RBMS3: variants seen among roughly 807,000 people sequenced by gnomAD.
RBMS3 encodes RNA-binding motif, single-stranded-interacting protein 3.
RBMS3 carries 27 observed loss-of-function variants against 66.8 expected under a neutral mutation model. The ratio of observed to expected loss-of-function variants is 0.40; its 90% CI spans 0.30 to 0.56. The LOEUF (loss-of-function observed/expected upper bound fraction) is 0.56, where lower values mean the gene tolerates loss of function less well. Ranked by LOEUF, RBMS3 falls within the 20% of genes least tolerant of loss-of-function variation. RBMS3 has a pLI of 0.40. For synonymous variants in RBMS3, 188 were observed against 183.0 expected, an observed-to-expected ratio of 1.03 and a Z score of -0.22; for missense variants, 513 against 549.5, an observed-to-expected ratio of 0.93 and a Z score of 0.66.
intron 1 of RBMS3, among the ~76,000 whole-genome samples, chr3:29,292,257 A>G (rs1459256013): frequency 6.6e-6 from 1 of 151,744 alleles, no homozygotes; most frequent in African/African-American, 2.4e-5. Context: ...GATTATTTTA[A>G]TGGTTCAGAT....
chr3:29,510,138 A>T (rs146322296), intron 3 of RBMS3, among the ~76,000 whole-genome samples: 44 of 152,340 alleles, frequency 2.9e-4, no homozygotes, highest in African/African-American at 1.0e-3. Context: ...CAATGCTTTA[A>T]TCACAACATT....
At chr3:29,573,837 GCATATTGTTTAATCTCCTTGTGTT>G (rs2047020183) in intron 3 of RBMS3, among the ~76,000 whole-genome samples, 3 of 152,190 alleles carry the variant, frequency 2.0e-5, no homozygotes, top group Admixed American at 2.0e-4. Flanking sequence ...TTATTCAGGA[GCATATTGTTTAATCTCCTTGTGTT>G]CATATAGTTT....
At chr3:29,966,024 G>A (rs1380937164) in intron 12 of RBMS3, among the ~76,000 whole-genome samples, 3 of 152,246 alleles carry the variant, frequency 2.0e-5, no homozygotes, top group Admixed American at 2.0e-4. Context: ...CTTTGTCAAA[G>A]ATCAGTTGGC....
chr3:29,831,449 G>T (rs988407571), intron 6 of RBMS3, among the ~76,000 whole-genome samples: 8 of 152,020 alleles, frequency 5.3e-5, no homozygotes, highest in African/African-American at 1.9e-4. Flanking sequence ...TAAAAATTCT[G>T]AATTTATGTC....
intron 1 of RBMS3, among the ~76,000 whole-genome samples, chr3:29,340,462 A>G (rs545444745): frequency 6.6e-6 from 1 of 152,292 alleles, no homozygotes; most frequent in East Asian, 1.9e-4. Flanking sequence ...CCTGGACTTA[A>G]TGAAGGACTT....
At chr3:29,490,193 G>T (rs1575989612) in intron 3 of RBMS3, among the ~76,000 whole-genome samples, 3 of 146,432 alleles carry the variant, frequency 2.0e-5, no homozygotes, top group South Asian at 4.3e-4. Flanking sequence ...TTAAAATTTT[G>T]AGCAGACAAA....
intron 3 of RBMS3, among the ~76,000 whole-genome samples, chr3:29,527,193 A>T (rs1398955488): frequency 2.0e-5 from 3 of 149,788 alleles, no homozygotes; most frequent in Admixed American, 6.6e-5. Context: ...AAAAAAAAAA[A>T]AAAAAAAAAA....
chr3:29,750,931 G>A (rs2055148909), intron 5 of RBMS3, among the ~76,000 whole-genome samples: 1 of 151,756 alleles, frequency 6.6e-6, no homozygotes, highest in African/African-American at 2.4e-5. Flanking sequence ...AAGTATTAAG[G>A]GTTTAAAACA....
chr3:29,682,968 A>T (rs1193357727), intron 4 of RBMS3, among the ~76,000 whole-genome samples: 2 of 152,210 alleles, frequency 1.3e-5, no homozygotes, highest in Admixed American at 6.5e-5. Context: ...AAGTATTTGG[A>T]TCACTGTTAC....
At chr3:29,581,631 A>G (rs2047332327) in intron 3 of RBMS3, among the ~76,000 whole-genome samples, 1 of 152,172 alleles carries the variant, frequency 6.6e-6, no homozygotes, top group African/African-American at 2.4e-5. Context: ...CTTAGCCCAA[A>G]TGTTTGCTTT....
chr3:29,457,283 T>C (rs757044469), intron 2 of RBMS3, among the ~76,000 whole-genome samples: 3 of 152,224 alleles, frequency 2.0e-5, no homozygotes, highest in Non-Finnish European at 4.4e-5. Flanking sequence ...CACCTAGGTC[T>C]CTGCAGTCTC....
chr3:29,849,203 TG>T (rs2058868100), intron 6 of RBMS3, among the ~76,000 whole-genome samples: 1 of 151,790 alleles, frequency 6.6e-6, no homozygotes, highest in Admixed American at 6.6e-5. Flanking sequence ...TGTGTGTGTG[TG>T]TGTGTATTTC....
chr3:29,347,384 A>C (rs1032101221), intron 1 of RBMS3, among the ~76,000 whole-genome samples: 2 of 152,212 alleles, frequency 1.3e-5, no homozygotes, highest in Non-Finnish European at 1.5e-5. Flanking sequence ...CATTCGTTGC[A>C]TGCAGGATGC....
chr3:29,799,397 C>G (rs1559683721), intron 6 of RBMS3, among the ~76,000 whole-genome samples: 1 of 152,080 alleles, frequency 6.6e-6, no homozygotes, highest in Non-Finnish European at 1.5e-5. Flanking sequence ...ATATTTACAC[C>G]TAATAAACAT....
At chr3:29,556,107 C>T in intron 3 of RBMS3, among the ~76,000 whole-genome samples, 1 of 141,808 alleles carries the variant, frequency 7.1e-6, no homozygotes, top group East Asian at 2.0e-4. Flanking sequence ...CATAAGTGGT[C>T]TATCAGCCAC....
chr3:29,546,909 G>A lies in RBMS3; in HGVS notation c.308-40205G>A, dbSNP rs552189480. Among the ~76,000 whole-genome samples the A allele has an allele frequency of 1.8e-4, 27 of 152,158 alleles. No homozygotes were observed. The South Asian group carries it at 4.6e-3, about 26-fold the overall frequency. On this transcript the variant is annotated intron_variant, in intron 3 of 14. Transcript: ENST00000383767. ...CTAGAAATCTTACAAAATGTCTTCCGGTAACAACAAATTATGCTTTATTTA... is the reference window on the plus strand; with the variant it reads ...CTAGAAATCTTACAAAATGTCTTCCAGTAACAACAAATTATGCTTTATTTA...
Position 29,991,205 on chromosome 3 carries a change from TCTAAGTAAGTCTGGGCTGTG to T in RBMS3, c.1307+2_1307+21del. The T allele has an allele frequency of 6.2e-7, 1 of 1,613,772 alleles. No homozygotes were observed. Among genetic ancestry groups the T allele is most frequent in the Non-Finnish European group, 8.5e-7 (1 of 1,179,998 alleles). ...TGCACCTGCATATTCTTACCAACAG[TCTAAGTAAGTCTGGGCTGTG>T]CTAAGCTCTTTTCCTCAAGATCAGC... On this transcript the variant is annotated splice_donor_variant and splice_donor_5th_base_variant and coding_sequence_variant and intron_variant, in exon 14 of 15. Coordinates refer to ENST00000383767, the MANE Select transcript of RBMS3 (RefSeq NM_001003793.3). LOFTEE classifies it high-confidence loss of function.
At chr3:29,333,700 C>T (rs1162216502) in intron 1 of RBMS3, among the ~76,000 whole-genome samples, 5 of 152,104 alleles carry the variant, frequency 3.3e-5, no homozygotes, top group African/African-American at 1.2e-4. Context: ...GCTGTGTCTC[C>T]GTTGCAGCAG....
At chr3:29,871,949 A>C (rs2059502172) in intron 7 of RBMS3, among the ~76,000 whole-genome samples, 1 of 152,208 alleles carries the variant, frequency 6.6e-6, no homozygotes, top group Non-Finnish European at 1.5e-5. Context: ...CACAGAAATT[A>C]GTATAAATTA....
Sources: gnomAD v4.1 joint callset for allele counts (sites outside exome capture counted in the v4.1 genomes callset) on GRCh38, gnomAD v4.1.1 for gene constraint, MANE v1.5 for transcripts, NCBI Gene and HGNC (gene_info 2026-07-23, HGNC 2026-07-21) for gene names.